Variants in TMEM132D observed in about 807,000 individuals in gnomAD.
TMEM132D encodes mature OL transmembrane protein.
Under a neutral mutation model 62.3 loss-of-function variants are expected in TMEM132D, and 21 were observed. The ratio of observed to expected loss-of-function variants is 0.34; its 90% CI spans 0.24 to 0.49. TMEM132D has a LOEUF of 0.49. Among genes scored for constraint, TMEM132D ranks in the 20% least tolerant of loss-of-function variants. The pLI is 0.99. For synonymous variants in TMEM132D, 621 were observed against 575.6 expected, an observed-to-expected ratio of 1.08 and a Z score of -1.13; for missense variants, 1,346 against 1,402.8, an observed-to-expected ratio of 0.96 and a Z score of 0.65.
chr12:129,078,979 C>G (rs1221658510), intron 7 of TMEM132D, among the ~76,000 whole-genome samples: 1 of 152,190 alleles, frequency 6.6e-6, no homozygotes, highest in East Asian at 1.9e-4. Context: ...CCCCACACCC[C>G]ACACATCAGC....
intron 2 of TMEM132D, among the ~76,000 whole-genome samples, chr12:129,599,595 T>C (rs75765060): frequency 0.062 from 9,494 of 152,250 alleles, 399 homozygotes; most frequent in Non-Finnish European, 0.087. Context: ...ATTGTATAAT[T>C]CACACATTTT....
chr12:129,436,642 G>C (rs1872794548), intron 3 of TMEM132D, among the ~76,000 whole-genome samples: 1 of 152,178 alleles, frequency 6.6e-6, no homozygotes, highest in Non-Finnish European at 1.5e-5. Context: ...TGAAGGGAAT[G>C]AATTAGATGC....
chr12:129,445,735 C>A (rs1396013877), intron 3 of TMEM132D, among the ~76,000 whole-genome samples: 1 of 152,138 alleles, frequency 6.6e-6, no homozygotes, highest in Non-Finnish European at 1.5e-5. Flanking sequence ...CCCAAATAAA[C>A]CACCCATAGT....
At chr12:129,623,038 C>T (rs1879115518) in intron 2 of TMEM132D, among the ~76,000 whole-genome samples, 2 of 152,048 alleles carry the variant, frequency 1.3e-5, no homozygotes, top group Non-Finnish European at 2.9e-5. Context: ...GAAATCAGAG[C>T]TGAGAGGGAG....
chr12:129,497,651 T>A (rs1875000109), intron 3 of TMEM132D, among the ~76,000 whole-genome samples: 1 of 152,126 alleles, frequency 6.6e-6, no homozygotes, highest in Admixed American at 6.5e-5. Context: ...ATTAGAGCAA[T>A]CCTGTTATTT....
intron 3 of TMEM132D, among the ~76,000 whole-genome samples, chr12:129,407,278 T>A (rs999066921): frequency 2.0e-5 from 3 of 152,178 alleles, no homozygotes; most frequent in African/African-American, 7.2e-5. Flanking sequence ...AGAAAAATGT[T>A]AATCTGTGAA....
intron 5 of TMEM132D, among the ~76,000 whole-genome samples, chr12:129,187,718 G>C (rs1006141836): frequency 6.6e-6 from 1 of 152,204 alleles, no homozygotes; most frequent in South Asian, 2.1e-4. Context: ...AACTTCCCTT[G>C]TTCCTTTTCC....
At chr12:129,387,215 A>T (rs1327869910) in intron 3 of TMEM132D, among the ~76,000 whole-genome samples, 1 of 120,718 alleles carries the variant, frequency 8.3e-6, no homozygotes, top group Non-Finnish European at 1.7e-5. Context: ...TAATACCAAC[A>T]CTAACACTAA....
chr12:129,206,446 A>G (rs1430639397), intron 5 of TMEM132D, among the ~76,000 whole-genome samples: 1 of 152,220 alleles, frequency 6.6e-6, no homozygotes, highest in East Asian at 1.9e-4. Flanking sequence ...AGAAAGTCAA[A>G]AAATAGCAGA....
chr12:129,872,359 G>A (rs948794209), intron 1 of TMEM132D, among the ~76,000 whole-genome samples: 44 of 152,284 alleles, frequency 2.9e-4, no homozygotes, highest in Admixed American at 2.0e-3. Context: ...CATCGTGAAC[G>A]TGAACTTCCC....
intron 1 of TMEM132D, among the ~76,000 whole-genome samples, chr12:129,825,315 G>A (rs561738704): frequency 2.6e-5 from 4 of 152,058 alleles, no homozygotes; most frequent in East Asian, 1.9e-4. Context: ...CACTGCGCCC[G>A]GCCCAGTCAC....
At chr12:129,115,319 T>C (rs1875861731) in intron 5 of TMEM132D, among the ~76,000 whole-genome samples, 1 of 152,188 alleles carries the variant, frequency 6.6e-6, no homozygotes, top group Non-Finnish European at 1.5e-5. Flanking sequence ...TCCTGGACGA[T>C]GCAATTCACC....
intron 2 of TMEM132D, among the ~76,000 whole-genome samples, chr12:129,678,102 TTTG>T (rs1880680873): frequency 6.8e-6 from 1 of 146,304 alleles, no homozygotes; most frequent in Non-Finnish European, 1.5e-5. Flanking sequence ...ATTTTCAGTA[TTTG>T]TTGATATAAA....
chr12:129,636,771 A>T (rs904268325), intron 2 of TMEM132D, among the ~76,000 whole-genome samples: 6 of 151,456 alleles, frequency 4.0e-5, no homozygotes. Flanking sequence ...AGAGAGAAAG[A>T]AAGAGATATC....
At chr12:129,533,360 C>T (rs569669450) in intron 2 of TMEM132D, among the ~76,000 whole-genome samples, 3 of 152,280 alleles carry the variant, frequency 2.0e-5, no homozygotes, top group African/African-American at 7.2e-5. Context: ...TTGTAGGCAA[C>T]CAAGATGTGG....
rs1379589526 is a variant in TMEM132D, at chr12:129,268,210, T to C, written c.1300-58547A>G. Reference sequence around the variant, plus strand: ...GGATCTAATTAAACTGAAGAGCTTCTGCACAGCAAAAGAAACCACCATCAG... The same window carrying C: ...GGATCTAATTAAACTGAAGAGCTTCCGCACAGCAAAAGAAACCACCATCAG... On this transcript the variant is annotated intron_variant, in intron 4 of 8. Transcript: ENST00000422113. 2.0e-5 allele frequency among the ~76,000 whole-genome samples: 3 copies of C among 152,306 alleles called. No individual in the cohort carries two copies. The East Asian group carries it at 5.8e-4, about 29-fold the overall frequency.
chr12:129,396,441 C>T (rs1871435105), intron 3 of TMEM132D, among the ~76,000 whole-genome samples: 1 of 152,218 alleles, frequency 6.6e-6, no homozygotes. Context: ...AACATTTGTG[C>T]AATTTCAAAG....
Position 129,244,181 on chromosome 12 carries a change from C to G in TMEM132D, c.1300-34518G>C, listed in dbSNP as rs374700677. Among the ~76,000 whole-genome samples the G allele has an allele frequency of 1.2e-3, 179 of 152,000 alleles. 1 individual carries two copies. Among genetic ancestry groups the G allele is most frequent in the African/African-American group, 4.1e-3 (171 of 41,498 alleles). On this transcript the variant is annotated intron_variant, in intron 4 of 8. Coordinates refer to ENST00000422113, the MANE Select transcript of TMEM132D (RefSeq NM_133448.3). ...CGGGCAGATCACAAAGTCAGGAGATCGAGACCATCCTGGCTAACGCGGTGA... is the reference window on the plus strand; with the variant it reads ...CGGGCAGATCACAAAGTCAGGAGATGGAGACCATCCTGGCTAACGCGGTGA...
At chr12:129,833,136 G>T (rs1269258562) in intron 1 of TMEM132D, among the ~76,000 whole-genome samples, 1 of 152,154 alleles carries the variant, frequency 6.6e-6, no homozygotes, top group Non-Finnish European at 1.5e-5. Flanking sequence ...AACTCTACTT[G>T]GCTTTCATAG....
Sources: allele counts gnomAD v4.1 joint callset (sites outside exome capture counted in the v4.1 genomes callset), GRCh38; gene constraint gnomAD v4.1.1; transcripts MANE v1.5; gene names NCBI Gene and HGNC (gene_info 2026-07-23, HGNC 2026-07-21).